The following TAP2 variants were observed in gnomAD, a reference collection of about 807,000 sequenced individuals.
The protein encoded by TAP2 is transporter 2, ATP binding cassette subfamily B member, also known as antigen peptide transporter 2.
A neutral mutation model predicts 74.7 loss-of-function variants in TAP2; 49 were observed. The ratio of observed to expected loss-of-function variants is 0.66; its 90% CI spans 0.52 to 0.83. TAP2 has a LOEUF of 0.83. TAP2 is among the 40% of genes least tolerant of loss of function. The pLI, the probability that TAP2 is intolerant of heterozygous loss-of-function variation, is 0.00. For synonymous variants in TAP2, 306 were observed against 368.4 expected, an observed-to-expected ratio of 0.83 and a Z score of 1.94; for missense variants, 739 against 859.0, an observed-to-expected ratio of 0.86 and a Z score of 1.75.
intron 5 of TAP2, among the ~76,000 whole-genome samples, chr6:32,833,741 G>A (rs1220587202): frequency 1.3e-5 from 2 of 152,180 alleles, no homozygotes; most frequent in Non-Finnish European, 2.9e-5. Flanking sequence ...GGTTTGATAC[G>A]ATCTGGCTGT....
chr6:32,829,311 G>C, intron 11 of TAP2, 89 bp downstream of exon 11: 1 of 1,537,974 alleles, frequency 6.5e-7, no homozygotes, highest in Middle Eastern at 2.2e-4. Context: ...TAGGTCCTTC[G>C]TCCTCCCTCT....
rs1768627714 is a variant in TAP2 at position 32,826,036 on chromosome 6, C to T, written c.*2870G>A. The T allele has an allele frequency of 1.0e-6, 1 of 985,284 alleles. No homozygotes were observed. Among genetic ancestry groups the T allele is most frequent in the African/African-American group, 1.7e-5 (1 of 57,216 alleles). 61.0% of individuals were successfully genotyped at this position (985,284 alleles called of 1,614,324 possible). A position where few individuals can be genotyped will look rare whatever the true frequency, so the allele number is the denominator to read the frequency against. The stretch of plus-strand genomic sequence containing the variant: ...TCCATGGAACTCTAGGTTCAAAACC[C>T]AGTTTCTTCTGGGACCATTAGATGG... On this transcript the variant is annotated 3_prime_UTR_variant, in exon 12 of 12. Coordinates refer to ENST00000374897, the MANE Select transcript of TAP2 (RefSeq NM_001290043.2).
chr6:32,832,928 C>A lies in TAP2; in HGVS notation c.946-104G>T. On this transcript the variant is annotated intron_variant, in intron 5 of 11. Coordinates refer to ENST00000374897, the MANE Select transcript of TAP2 (RefSeq NM_001290043.2). This position sits in a 1 kb window ranked among gnomAD's most constrained non-coding sequence, Gnocchi z 5.9. ...TGCTCCCTAGTCTACCTAAAAATAC[C>A]AAACTGTTTCTCTCCCTCTTCCTTA... The A allele has an allele frequency of 4.0e-6, 5 of 1,253,582 alleles. No homozygotes were observed. The highest frequency in any genetic ancestry group is 1.5e-5 in the African/African-American group (1 of 67,862). 77.7% of individuals were successfully genotyped at this position (1,253,582 alleles called of 1,614,324 possible). A position where few individuals can be genotyped will look rare whatever the true frequency, so the allele number is the denominator to read the frequency against.
chr6:32,830,261 A>C lies in TAP2; in HGVS notation c.1635+6T>G. ...CCTGTCCCCTGTCTTCTCCCTCCTCACCCACCTGGCTGTGCAGGTAGCAGT... is the reference window on the plus strand; with the variant it reads ...CCTGTCCCCTGTCTTCTCCCTCCTCCCCCACCTGGCTGTGCAGGTAGCAGT... On this transcript the variant is annotated splice_donor_region_variant and intron_variant, in intron 9 of 11. Coordinates refer to ENST00000374897, the MANE Select transcript of TAP2 (RefSeq NM_001290043.2). 2 of 1,612,292 alleles carry C rather than the reference A, an allele frequency of 1.2e-6. No homozygotes were observed. Among genetic ancestry groups the C allele is most frequent in the Non-Finnish European group, 1.7e-6 (2 of 1,179,828 alleles).
Position 32,835,191 on chromosome 6 carries a change from G to A in TAP2, c.908C>T (p.Thr303Ile), listed in dbSNP as rs375626246. 3.7e-6 allele frequency: 6 copies of A among 1,612,898 alleles called. No homozygotes were observed. The African/African-American group carries it at 8.0e-5, about 22-fold the overall frequency. ...TLLSLLHMPF[T>I]IAAEKVYNTR... ...GTTGTACACCTTCTCCGCTGCTATT[G>A]TGAAGGGCATGTGCAGCAGAGAAAG... The change falls in exon 5 of 12, where the codon ACA (threonine) becomes ATA (isoleucine). Residue 303 changes from threonine to isoleucine, a missense_variant. Physicochemically the swap from Thr to Ile is moderately conservative, Grantham distance 89. Coordinates refer to ENST00000374897, the MANE Select transcript of TAP2 (RefSeq NM_001290043.2). This position sits in a 1 kb window ranked among gnomAD's most constrained non-coding sequence, Gnocchi z 4.0.
chr6:32,830,511 A>C, intron 8 of TAP2, 71 bp from the exon 9 acceptor site: 1 of 1,593,108 alleles, frequency 6.3e-7, no homozygotes, highest in South Asian at 1.1e-5. Context: ...TCTTCTTAGC[A>C]GAGGCAAGAC....
chr6:32,838,229 C>A lies in TAP2; in HGVS notation c.5G>T (p.Arg2Leu), dbSNP rs1198620573. Residue 2 changes from arginine to leucine, a missense_variant, in exon 2 of 12, where the codon CGG becomes CTG. Transcript: ENST00000374897. ...GGTCCAGGGTCTCAGGTCAGGGAGC[C>A]GCATGGCTCTGTCAACGGATACGAG... is the stretch of plus-strand genomic sequence containing the variant. M[R>L]LPDLRPWTSL... 1.3e-6 allele frequency: 2 copies of A among 1,565,568 alleles called. No homozygotes were observed. The highest frequency in any genetic ancestry group is 1.2e-5 in the South Asian group (1 of 84,538).
At chr6:32,824,656 T>A (rs1768519649), downstream of TAP2, among the ~76,000 whole-genome samples, 1 of 152,184 alleles carries the variant, frequency 6.6e-6, no homozygotes, top group Admixed American at 6.5e-5. Flanking sequence ...AAAGTATTAT[T>A]TAATTTCCCC....
At position 32,832,914 on chromosome 6, in the gene TAP2, C is replaced by T. The variant is rs763010130; in HGVS notation, c.946-90G>A. The T allele has an allele frequency of 7.0e-7, 1 of 1,427,476 alleles. No homozygotes were observed. Among genetic ancestry groups the T allele is most frequent in the African/African-American group, 1.4e-5 (1 of 71,492 alleles). The allele number at this position is 1,427,476 out of a possible 1,614,324, so 88.4% of individuals were successfully genotyped here. A position where few individuals can be genotyped will look rare whatever the true frequency, so the allele number is the denominator to read the frequency against. On this transcript the variant is annotated intron_variant, in intron 5 of 11. Coordinates refer to ENST00000374897, the MANE Select transcript of TAP2 (RefSeq NM_001290043.2). This position sits in a 1 kb window ranked among gnomAD's most constrained non-coding sequence, Gnocchi z 5.9. The stretch of plus-strand genomic sequence containing the variant: ...TCCAGCCAGTGAGATGCTCCCTAGT[C>T]TACCTAAAAATACCAAACTGTTTCT...
Position 32,827,312 on chromosome 6 carries a change from G to A in TAP2, c.*1594C>T, listed in dbSNP as rs1768719313. ...GGGCAGGGAGGATTAAGATTAGTAC[G>A]ATGGTGGAGATATTTATTCATTTAT... is the stretch of plus-strand genomic sequence containing the variant. On this transcript the variant is annotated 3_prime_UTR_variant, in exon 12 of 12. Coordinates refer to ENST00000374897, the MANE Select transcript of TAP2 (RefSeq NM_001290043.2). 2 of 985,258 alleles carry A rather than the reference G, an allele frequency of 2.0e-6. No homozygotes were observed. Among genetic ancestry groups the A allele is most frequent in the Non-Finnish European group, 1.2e-6 (1 of 829,892 alleles). 61.0% of individuals were successfully genotyped at this position (985,258 alleles called of 1,614,324 possible).
At chr6:32,823,194 A>G (rs1390983360), downstream of TAP2, among the ~76,000 whole-genome samples, 1 of 152,188 alleles carries the variant, frequency 6.6e-6, no homozygotes, top group Non-Finnish European at 1.5e-5. Context: ...TGCTGAGATT[A>G]CAGGCATGAA....
At position 32,826,503 on chromosome 6, in the gene TAP2, T is replaced by C; in HGVS notation, c.*2403A>G. On this transcript the variant is annotated 3_prime_UTR_variant, in exon 12 of 12. Coordinates refer to ENST00000374897, the MANE Select transcript of TAP2 (RefSeq NM_001290043.2). ...GGAGCAAACCAGGATTAGTGACATC[T>C]GTGGTTCCCAGACAAACCACACTTA... is the stretch of plus-strand genomic sequence containing the variant. 1 of 985,456 alleles carries C rather than the reference T, an allele frequency of 1.0e-6. No individual in the cohort carries two copies. The highest frequency in any genetic ancestry group is 1.2e-6 in the Non-Finnish European group (1 of 829,956). 61.0% of individuals were successfully genotyped at this position (985,456 alleles called of 1,614,324 possible). A position where few individuals can be genotyped will look rare whatever the true frequency, so the allele number is the denominator to read the frequency against.
Position 32,828,230 on chromosome 6 carries a change from T to G in TAP2, c.*676A>C. 1.0e-6 allele frequency: 1 copy of G among 970,304 alleles called. No homozygotes were observed. Among genetic ancestry groups the G allele is most frequent in the Non-Finnish European group, 1.2e-6 (1 of 816,224 alleles). The allele number at this position is 970,304 out of a possible 1,614,324, so 60.1% of individuals were successfully genotyped here. A position where few individuals can be genotyped will look rare whatever the true frequency, so the allele number is the denominator to read the frequency against. On this transcript the variant is annotated 3_prime_UTR_variant, in exon 12 of 12. Coordinates refer to ENST00000374897, the MANE Select transcript of TAP2 (RefSeq NM_001290043.2). The stretch of plus-strand genomic sequence containing the variant: ...GATAATACATGAAAAACACTTAGCA[T>G]AGCTCCTACTCCCATTAAAACTCTA...
downstream of TAP2, among the ~76,000 whole-genome samples, chr6:32,825,125 G>GACA (rs28381587): frequency 9.7e-6 from 1 of 102,768 alleles, no homozygotes; most frequent in Non-Finnish European, 2.1e-5. Flanking sequence ...CTGTCTGTTG[G>GACA]TTATATACAT....
chr6:32,831,883 A>G (rs1046872211), intron 7 of TAP2, among the ~76,000 whole-genome samples: 1 of 152,232 alleles, frequency 6.6e-6, no homozygotes. Context: ...CATATACTAC[A>G]TGGATACCAC....
In TAP2 at chr6:32,828,939, C is replaced by G. The variant is rs1768848832; in HGVS notation, c.2028G>C (p.Gln676His). ...GGGCAAGCTTCTGCAGCTTGCCCTC[C>G]TGGAGCACCAGGATCTGGTGGGCGC... is the stretch of plus-strand genomic sequence containing the variant. ...VQRAHQILVL[Q>H]EGKLQKLAQL Residue 676 changes from glutamine to histidine, a missense_variant, in exon 12 of 12, where the codon CAG (glutamine) becomes CAC (histidine). By Grantham distance (24) the Gln-to-His change is conservative (BLOSUM62 0). Coordinates refer to ENST00000374897, the MANE Select transcript of TAP2 (RefSeq NM_001290043.2). 2 of 1,546,762 alleles carry G rather than the reference C, an allele frequency of 1.3e-6. No homozygotes were observed. Among genetic ancestry groups the G allele is most frequent in the Non-Finnish European group, 1.7e-6 (2 of 1,145,790 alleles).
Position 32,832,608 on chromosome 6 carries a change from A to C in TAP2, c.1143+19T>G, listed in dbSNP as rs1244282399. 1.2e-6 allele frequency: 2 copies of C among 1,612,868 alleles called. No homozygotes were observed. The highest frequency in any genetic ancestry group is 1.7e-6 in the Non-Finnish European group (2 of 1,180,032). The stretch of plus-strand genomic sequence containing the variant: ...TCCCCCTTTCCTGGGCTCCTTTCAC[A>C]ACCACTCTGGTATCTTACCCTCCTT... On this transcript the variant is annotated intron_variant, in intron 6 of 11. Coordinates refer to ENST00000374897, the MANE Select transcript of TAP2 (RefSeq NM_001290043.2). This position sits in a 1 kb window ranked among gnomAD's most constrained non-coding sequence, Gnocchi z 5.9.
Position 32,830,932 on chromosome 6 carries a change from A to C in TAP2, c.1273-126T>G, listed in dbSNP as rs1193826197. On this transcript the variant is annotated intron_variant, in intron 7 of 11. Coordinates refer to ENST00000374897, the MANE Select transcript of TAP2 (RefSeq NM_001290043.2). Reference sequence around the variant, plus strand: ...CCTCCATACTCAAAAGAGATTCTCCACTTTTAAATGTACAATTTGGACGGA... The same window carrying C: ...CCTCCATACTCAAAAGAGATTCTCCCCTTTTAAATGTACAATTTGGACGGA... The C allele has an allele frequency of 8.7e-6, 8 of 916,960 alleles. No individual in the cohort carries two copies. The African/African-American group carries it at 1.3e-4, about 15-fold the overall frequency. 56.8% of individuals were successfully genotyped at this position (916,960 alleles called of 1,614,324 possible).
chr6:32,830,273 G>A lies in TAP2; in HGVS notation c.1629C>T (p.His543=), dbSNP rs1768974711. ...CTTCTCCCTCCTCACCCACCTGGCT[G>A]TGCAGGTAGCAGTGTTCATACTGTG... ...PISQYEHCYL[H]SQVVSVGQEP... The change falls in exon 9 of 12, where the codon CAC becomes CAT. Residue 543 remains histidine, a synonymous_variant. Coordinates refer to ENST00000374897, the MANE Select transcript of TAP2 (RefSeq NM_001290043.2). 1 of 1,613,082 alleles carries A rather than the reference G, an allele frequency of 6.2e-7. No homozygotes were observed. Among genetic ancestry groups the A allele is most frequent in the Non-Finnish European group, 8.5e-7 (1 of 1,180,014 alleles).
Sources: allele counts gnomAD v4.1 joint callset (sites outside exome capture counted in the v4.1 genomes callset), GRCh38; gene constraint gnomAD v4.1.1; non-coding constraint Gnocchi (gnomAD v3.1); transcripts MANE v1.5; gene names NCBI Gene and HGNC (gene_info 2026-07-23, HGNC 2026-07-21).